VPS45: variants seen among roughly 807,000 people sequenced by gnomAD.
VPS45 encodes the protein vacuolar protein sorting-associated protein 45.
A neutral mutation model predicts 75.9 loss-of-function variants in VPS45; 35 were observed. That is an observed-to-expected ratio of 0.46 (90% confidence interval 0.35 to 0.61). The LOEUF (loss-of-function observed/expected upper bound fraction) is 0.61. VPS45 is among the 20% of genes least tolerant of loss of function. The pLI is 0.00. For synonymous variants in VPS45, 220 were observed against 238.2 expected, an observed-to-expected ratio of 0.92 and a Z score of 0.70; for missense variants, 559 against 685.9, an observed-to-expected ratio of 0.81 and a Z score of 2.07.
intron 14 of VPS45, among the ~76,000 whole-genome samples, chr1:150,129,190 C>T (rs1276544808): frequency 6.6e-6 from 1 of 152,122 alleles, no homozygotes; most frequent in Admixed American, 6.6e-5. Flanking sequence ...TGTTCTGTAT[C>T]TTTAAGGATC....
chr1:150,128,511 C>T (rs1553811390), intron 14 of VPS45, among the ~76,000 whole-genome samples: 1 of 152,064 alleles, frequency 6.6e-6, no homozygotes, highest in Non-Finnish European at 1.5e-5. Context: ...GGGGCTGATT[C>T]AATTTGTGTT....
intron 13 of VPS45, among the ~76,000 whole-genome samples, chr1:150,101,362 TCACTGATCATTAGAGAAATG>T (rs1350214036): frequency 6.6e-6 from 1 of 151,282 alleles, no homozygotes; most frequent in African/African-American, 2.4e-5. Context: ...AAACTCAGTA[TCACTGATCATTAGAGAAATG>T]CAAATCAAAA....
chr1:150,092,196 T>C (rs1351826179), intron 11 of VPS45, 101 bp downstream of exon 11: 2 of 1,514,606 alleles, frequency 1.3e-6, no homozygotes, highest in African/African-American at 2.8e-5. Context: ...TTTACAGAAA[T>C]GTATAATTCT....
At chr1:150,128,492 G>A (rs1386016359) in intron 14 of VPS45, among the ~76,000 whole-genome samples, 3 of 152,200 alleles carry the variant, frequency 2.0e-5, no homozygotes, top group South Asian at 4.1e-4. Flanking sequence ...ATAAGTTTGA[G>A]GCTGGTAGGG....
chr1:150,115,706 G>T (rs4926407), intron 14 of VPS45, among the ~76,000 whole-genome samples: 40,069 of 152,096 alleles, frequency 0.26, 7,994 homozygotes, highest in African/African-American at 0.56. Context: ...TATGTTAGTT[G>T]CTATACATAA....
intron 14 of VPS45, among the ~76,000 whole-genome samples, chr1:150,132,060 G>A (rs1287424003): frequency 6.6e-6 from 1 of 152,160 alleles, no homozygotes; most frequent in Non-Finnish European, 1.5e-5. Context: ...CCAGATTCCA[G>A]GGTTTTATGA....
At chr1:150,120,329 A>G (rs959811962) in intron 14 of VPS45, among the ~76,000 whole-genome samples, 4 of 152,230 alleles carry the variant, frequency 2.6e-5, no homozygotes, top group Admixed American at 1.3e-4. Flanking sequence ...TCTGACATAT[A>G]TCAAGATCAC....
At position 150,069,459 on chromosome 1, in the gene VPS45, C is replaced by CT. The variant is rs10707595; in HGVS notation, c.228+710dup. 9.4e-5 allele frequency among the ~76,000 whole-genome samples: 12 copies of CT among 128,130 alleles called. 5 individuals carry two copies. The highest frequency in any genetic ancestry group is 4.4e-4 in the East Asian group (2 of 4,584). 84.1% of individuals were successfully genotyped at this position (128,130 alleles called of 152,430 possible). On this transcript the variant is annotated intron_variant, in intron 2 of 14. Transcript: ENST00000644510. ...TGCTATTTTAATCTTATTTGTTACACTTTTTTTTTTTTTTTGAGATGGAGT... is the reference window on the plus strand; with the variant it reads ...TGCTATTTTAATCTTATTTGTTACACTTTTTTTTTTTTTTTTGAGATGGAGT...
chr1:150,083,478 A>G (rs1428438234), intron 10 of VPS45, among the ~76,000 whole-genome samples: 2 of 151,922 alleles, frequency 1.3e-5, no homozygotes, highest in Non-Finnish European at 2.9e-5. Flanking sequence ...ACCAAGCACT[A>G]TGTACTATAT....
At chr1:150,117,930 T>A (rs587601205) in intron 14 of VPS45, among the ~76,000 whole-genome samples, 22 of 152,072 alleles carry the variant, frequency 1.4e-4, no homozygotes, top group Non-Finnish European at 1.3e-4. Flanking sequence ...TCTTTGTAAT[T>A]TAGTCATAGT....
intron 8 of VPS45, 52 bp from the exon 9 acceptor site, chr1:150,081,832 T>C: frequency 8.8e-7 from 1 of 1,131,794 alleles, no homozygotes. Flanking sequence ...TTTCAAGTTG[T>C]CTGAAAGTCA....
At chr1:150,133,415 G>T (rs959263119) in intron 14 of VPS45, among the ~76,000 whole-genome samples, 1 of 152,198 alleles carries the variant, frequency 6.6e-6, no homozygotes, top group African/African-American at 2.4e-5. Flanking sequence ...TTAGCCGGGC[G>T]TGGTGGTGGG....
At chr1:150,075,770 G>T (rs911173604) in intron 3 of VPS45, among the ~76,000 whole-genome samples, 8 of 151,912 alleles carry the variant, frequency 5.3e-5, no homozygotes, top group Non-Finnish European at 8.8e-5. Flanking sequence ...CAATTCCTCC[G>T]ATGGAGTCTT....
chr1:150,081,903 CT>C lies in VPS45; in HGVS notation c.843del (p.Glu282ArgfsTer6). ...TCACAGAATATGTACCTGAACTTTG[CT>C]GAGATTGGTAGCAATATAAAGAATC... The part of the protein sequence containing the change: ...FYANNMYLNF[A>X]EIGSNIKNLM... On this transcript the variant is annotated frameshift_variant, in exon 9 of 15. Transcript: ENST00000644510. LOFTEE classifies it high-confidence loss of function. 1 of 1,611,540 alleles carries C rather than the reference CT, an allele frequency of 6.2e-7. No individual in the cohort carries two copies. Among genetic ancestry groups the C allele is most frequent in the Non-Finnish European group, 8.5e-7 (1 of 1,178,590 alleles).
At chr1:150,138,271 T>TA (rs1296942004) in intron 14 of VPS45, among the ~76,000 whole-genome samples, 7 of 151,816 alleles carry the variant, frequency 4.6e-5, no homozygotes, top group Admixed American at 2.6e-4. Flanking sequence ...ACTTATTTTT[T>TA]AAAAAAAAAT....
At chr1:150,142,978 A>G in intron 14 of VPS45, 1 of 333,328 alleles carries the variant, frequency 3.0e-6, no homozygotes, top group South Asian at 2.3e-5. Flanking sequence ...TATTATAAAG[A>G]AGGCTGTCTT....
chr1:150,133,714 C>CATCT lies in VPS45; in HGVS notation c.1626-10993_1626-10990dup, dbSNP rs587633726. Among the ~76,000 whole-genome samples the CATCT allele has an allele frequency of 2.0e-4, 31 of 151,278 alleles. 2 individuals carry two copies. The East Asian group carries it at 6.1e-3, about 30-fold the overall frequency. On this transcript the variant is annotated intron_variant, in intron 14 of 14. Transcript: ENST00000644510. ...TGATGTGGGCTTGAATGTTCCCATA[C>CATCT]ATCTACACCTCTTTTTATTCTCAGA...
intron 7 of VPS45, among the ~76,000 whole-genome samples, chr1:150,079,161 T>G (rs1183506821): frequency 2.0e-5 from 3 of 152,140 alleles, no homozygotes; most frequent in South Asian, 2.1e-4. Flanking sequence ...CCAGCCATTC[T>G]TCAACATCTC....
chr1:150,138,308 A>G (rs900842929), intron 14 of VPS45, among the ~76,000 whole-genome samples: 1 of 152,138 alleles, frequency 6.6e-6, no homozygotes, highest in Non-Finnish European at 1.5e-5. Flanking sequence ...TATGTTGCGC[A>G]GGCTGGTCGT....
Sources: gnomAD v4.1 joint callset for allele counts (sites outside exome capture counted in the v4.1 genomes callset) on GRCh38, gnomAD v4.1.1 for gene constraint, MANE v1.5 for transcripts, NCBI Gene and HGNC (gene_info 2026-07-23, HGNC 2026-07-21) for gene names.